PAK1: variants seen among roughly 807,000 people sequenced by gnomAD.
The protein encoded by PAK1 is p21 (RAC1) activated kinase 1, also known as serine/threonine-protein kinase PAK 1.
PAK1 carries 29 observed loss-of-function variants against 67.4 expected under a neutral mutation model. The ratio of observed to expected loss-of-function variants is 0.43; its 90% CI spans 0.32 to 0.59. The LOEUF is 0.59. Among genes scored for constraint, PAK1 ranks in the 20% least tolerant of loss-of-function variants. The pLI is 0.07. For synonymous variants in PAK1, 223 were observed against 237.4 expected (o/e 0.94, Z 0.56); for missense variants, 337 against 670.7 (o/e 0.50, Z 5.50).
chr11:77,370,043 C>G (rs1948214791), intron 5 of PAK1, among the ~76,000 whole-genome samples: 1 of 152,076 alleles, frequency 6.6e-6, no homozygotes, highest in Non-Finnish European at 1.5e-5. Context: ...TTTTCTGAAA[C>G]TTATGTAAGT....
intron 1 of PAK1, among the ~76,000 whole-genome samples, chr11:77,427,913 T>C (rs974930590): frequency 4.6e-5 from 7 of 152,006 alleles, no homozygotes; most frequent in Non-Finnish European, 7.4e-5. Flanking sequence ...TATCAGACAG[T>C]GAAGAGAGTT....
the PAK1 span, among the ~76,000 whole-genome samples, chr11:77,492,689 C>T: frequency 1.3e-5 from 2 of 152,080 alleles, no homozygotes; most frequent in African/African-American, 4.8e-5. Flanking sequence ...GCCCAAATCT[C>T]ATGTTCAATT....
At chr11:77,440,305 CAGG>C (rs1051317519) in intron 1 of PAK1, among the ~76,000 whole-genome samples, 13 of 152,058 alleles carry the variant, frequency 8.5e-5, no homozygotes, top group African/African-American at 2.9e-4. Flanking sequence ...GAGGCGGAAG[CAGG>C]AGAATAGTGT....
At chr11:77,396,450 A>G (rs192605307) in intron 1 of PAK1, among the ~76,000 whole-genome samples, 16 of 152,306 alleles carry the variant, frequency 1.1e-4, no homozygotes, top group Admixed American at 7.2e-4. Flanking sequence ...CTAGACATAG[A>G]CTATAAACAC....
At chr11:77,380,791 G>C (rs977909499) in intron 2 of PAK1, among the ~76,000 whole-genome samples, 1 of 152,190 alleles carries the variant, frequency 6.6e-6, no homozygotes, top group Non-Finnish European at 1.5e-5. Context: ...CCTGGACAAA[G>C]TAGGTGCTCA....
chr11:77,462,993 G>T (rs1250069774), intron 1 of PAK1, among the ~76,000 whole-genome samples: 1 of 148,520 alleles, frequency 6.7e-6, no homozygotes, highest in Non-Finnish European at 1.5e-5. Context: ...GGTGGGTGGG[G>T]GTGGGGTGGG....
chr11:77,335,984 G>T, intron 13 of PAK1, 102 bp downstream of exon 13: 1 of 651,048 alleles, frequency 1.5e-6, no homozygotes. Context: ...ATCCAGAAAA[G>T]GGATCTCCAG....
At chr11:77,389,383 A>G (rs1592172812) in intron 2 of PAK1, among the ~76,000 whole-genome samples, 2 of 152,208 alleles carry the variant, frequency 1.3e-5, no homozygotes, top group Admixed American at 6.5e-5. Flanking sequence ...GAATGCTGCT[A>G]TAAACATTCA....
intron 12 of PAK1, 87 bp downstream of exon 12, chr11:77,337,237 C>T (rs547892282): frequency 3.3e-5 from 20 of 598,732 alleles, no homozygotes; most frequent in South Asian, 1.4e-4. Context: ...TGGTGAGTGT[C>T]GTAGTTACTA....
the PAK1 span, among the ~76,000 whole-genome samples, chr11:77,495,537 G>A: frequency 3.3e-5 from 5 of 152,068 alleles, no homozygotes; most frequent in Non-Finnish European, 5.9e-5. Flanking sequence ...TCCACTTCTG[G>A]ATATATACCC....
At chr11:77,448,727 A>AG (rs749623339) in intron 1 of PAK1, among the ~76,000 whole-genome samples, 6 of 152,250 alleles carry the variant, frequency 3.9e-5, no homozygotes, top group Non-Finnish European at 8.8e-5. Flanking sequence ...AAGAAGTGAT[A>AG]GGTTATACAG....
chr11:77,489,528 C>T, the PAK1 span, among the ~76,000 whole-genome samples: 9,180 of 152,074 alleles, frequency 0.06, 548 homozygotes, highest in East Asian at 0.2. Flanking sequence ...GCTGCCATCT[C>T]GGCTCACTGC....
At chr11:77,397,343 A>G (rs1242988065) in intron 1 of PAK1, among the ~76,000 whole-genome samples, 1 of 152,194 alleles carries the variant, frequency 6.6e-6, no homozygotes, top group Non-Finnish European at 1.5e-5. Flanking sequence ...AAGGTAGGGC[A>G]ATATTTTAAA....
At chr11:77,461,863 T>C (rs1957361706) in intron 1 of PAK1, among the ~76,000 whole-genome samples, 2 of 152,216 alleles carry the variant, frequency 1.3e-5, no homozygotes, top group Non-Finnish European at 2.9e-5. Flanking sequence ...CTGCGAATTT[T>C]GAAACATTGC....
At chr11:77,343,140 A>G (rs1943884431) in intron 10 of PAK1, among the ~76,000 whole-genome samples, 1 of 152,138 alleles carries the variant, frequency 6.6e-6, no homozygotes, top group African/African-American at 2.4e-5. Flanking sequence ...TATTATATAC[A>G]ACCACTATTA....
the PAK1 span, among the ~76,000 whole-genome samples, chr11:77,499,456 T>C: frequency 9.2e-5 from 14 of 152,220 alleles, no homozygotes; most frequent in Non-Finnish European, 1.8e-4. Context: ...CATACAGTTT[T>C]AGAGATGTCT....
At chr11:77,468,761 G>T (rs1565725316) in intron 1 of PAK1, among the ~76,000 whole-genome samples, 1 of 152,112 alleles carries the variant, frequency 6.6e-6, no homozygotes, top group Admixed American at 6.6e-5. Flanking sequence ...AATTTAGTTT[G>T]ATAGAGTTTA....
At chr11:77,468,733 A>C (rs1366158661) in intron 1 of PAK1, among the ~76,000 whole-genome samples, 1 of 152,190 alleles carries the variant, frequency 6.6e-6, no homozygotes, top group Non-Finnish European at 1.5e-5. Flanking sequence ...ATTTAAAAGA[A>C]TGTGTCTAGT....
At chr11:77,486,447 C>CA in the PAK1 span, among the ~76,000 whole-genome samples, 10 of 152,194 alleles carry the variant, frequency 6.6e-5, no homozygotes, top group East Asian at 1.2e-3. Context: ...ACTATTCACA[C>CA]AAAAAAATCA....
Sources: gnomAD v4.1 joint callset for allele counts (sites outside exome capture counted in the v4.1 genomes callset) on GRCh38, gnomAD v4.1.1 for gene constraint, MANE v1.5 for transcripts, NCBI Gene and HGNC (gene_info 2026-07-23, HGNC 2026-07-21) for gene names.